Variants in MLIP observed in about 807,000 individuals in gnomAD.
MLIP encodes muscular LMNA interacting protein.
MLIP carries 79 observed loss-of-function variants against 84.8 expected under a neutral mutation model. That is an observed-to-expected ratio of 0.93 (90% CI 0.78 to 1.12). The LOEUF is 1.12. Among genes scored for constraint, MLIP ranks in the 50% most tolerant of loss-of-function variants. The probability of loss-of-function intolerance (pLI) is 0.00; values close to 1 mark genes in which losing one functional copy is unlikely to be tolerated. For missense variants in MLIP, 1,257 were observed against 1,160.6 expected (o/e 1.08, Z -1.21); for synonymous variants, 504 against 463.0 (o/e 1.09, Z -1.14).
intron 1 of MLIP, among the ~76,000 whole-genome samples, chr6:54,052,520 G>A (rs779724513): frequency 1.3e-5 from 2 of 152,134 alleles, no homozygotes; most frequent in African/African-American, 2.4e-5. Flanking sequence ...CACAGGTAGA[G>A]ATCTATTTTT....
chr6:54,022,905 T>A (rs900793937), intron 1 of MLIP, among the ~76,000 whole-genome samples: 1 of 151,994 alleles, frequency 6.6e-6, no homozygotes, highest in African/African-American at 2.4e-5. Context: ...CGGTGGCTCA[T>A]GCCTGTAATC....
At chr6:54,229,461 A>G (rs938803793) in intron 11 of MLIP, among the ~76,000 whole-genome samples, 1 of 152,210 alleles carries the variant, frequency 6.6e-6, no homozygotes, top group Admixed American at 6.5e-5. Flanking sequence ...ATGGGTCAGC[A>G]CAACACCTAG....
At chr6:54,201,201 G>A (rs1194021535) in intron 10 of MLIP, among the ~76,000 whole-genome samples, 2 of 152,154 alleles carry the variant, frequency 1.3e-5, no homozygotes, top group Non-Finnish European at 2.9e-5. Context: ...TCGACACTGG[G>A]TACAAGCTTA....
chr6:54,107,881 C>A (rs1769131228), upstream of MLIP, among the ~76,000 whole-genome samples: 1 of 152,192 alleles, frequency 6.6e-6, no homozygotes, highest in Non-Finnish European at 1.5e-5. Flanking sequence ...TAAAAACAGA[C>A]AAATGGATGT....
intron 10 of MLIP, among the ~76,000 whole-genome samples, chr6:54,200,623 T>G (rs1582481301): frequency 3.9e-5 from 1 of 25,338 alleles, no homozygotes; most frequent in Admixed American, 6.5e-4. Flanking sequence ...TTTTTTTTTT[T>G]TTTTTTTTTT....
At chr6:54,120,364 AGCTGAGACTACAGGCGCCT>A (rs1394641986) in intron 1 of MLIP, among the ~76,000 whole-genome samples, 1 of 151,740 alleles carries the variant, frequency 6.6e-6, no homozygotes, top group Non-Finnish European at 1.5e-5. Context: ...CCTCCTGAGT[AGCTGAGACTACAGGCGCCT>A]GCCACCACGC....
intron 1 of MLIP, among the ~76,000 whole-genome samples, chr6:54,021,516 A>G (rs765111710): frequency 6.6e-6 from 1 of 152,334 alleles, no homozygotes; most frequent in East Asian, 1.9e-4. Flanking sequence ...TTAAAAATTC[A>G]TCAGTTTATT....
chr6:54,030,594 G>A (rs1235746284), intron 1 of MLIP: 1 of 151,112 alleles, frequency 6.6e-6, no homozygotes, highest in Non-Finnish European at 1.5e-5. Context: ...TTTCTGTTCA[G>A]GGTATCATAC....
chr6:54,149,185 T>C (rs767697555), intron 5 of MLIP, 58 bp downstream of exon 5: 7 of 1,433,650 alleles, frequency 4.9e-6, no homozygotes, highest in Middle Eastern at 1.8e-4. Context: ...TTTAAAATGT[T>C]TTCTAAAATT....
At chr6:54,099,377 G>T (rs1768467255) in intron 1 of MLIP, among the ~76,000 whole-genome samples, 1 of 151,812 alleles carries the variant, frequency 6.6e-6, no homozygotes, top group Non-Finnish European at 1.5e-5. Context: ...CTGAAACAAT[G>T]ATTTTTTTTG....
chr6:54,052,659 A>G (rs1027844030), intron 1 of MLIP, among the ~76,000 whole-genome samples: 9 of 152,188 alleles, frequency 5.9e-5, no homozygotes, highest in Non-Finnish European at 1.3e-4. Context: ...CACATTCAAG[A>G]ATGCTCTTCT....
intron 12 of MLIP, among the ~76,000 whole-genome samples, chr6:54,253,722 A>G (rs978625950): frequency 1.6e-4 from 25 of 152,124 alleles, no homozygotes; most frequent in African/African-American, 6.0e-4. Context: ...AGTGACAAAC[A>G]CTTCACAAGG....
chr6:54,081,103 C>T (rs2150357329), intron 1 of MLIP, among the ~76,000 whole-genome samples: 1 of 152,254 alleles, frequency 6.6e-6, no homozygotes, highest in Non-Finnish European at 1.5e-5. Flanking sequence ...TCAGCTTTCT[C>T]ACCTTCTCAT....
At chr6:54,195,744 C>A (rs1033439977) in intron 10 of MLIP, among the ~76,000 whole-genome samples, 2 of 152,018 alleles carry the variant, frequency 1.3e-5, no homozygotes, top group African/African-American at 4.8e-5. Context: ...TATATTCACT[C>A]CCTTGGATTT....
chr6:54,074,875 GA>G (rs1360197397), intron 1 of MLIP, among the ~76,000 whole-genome samples: 1 of 152,138 alleles, frequency 6.6e-6, no homozygotes, highest in Non-Finnish European at 1.5e-5. Flanking sequence ...AAAAGGAAGT[GA>G]TAGGGACAGA....
At chr6:54,114,337 T>G (rs1254605664) in intron 1 of MLIP, among the ~76,000 whole-genome samples, 2 of 152,204 alleles carry the variant, frequency 1.3e-5, no homozygotes, top group Non-Finnish European at 2.9e-5. Context: ...CATTTCCACT[T>G]GGTTGTATAT....
intron 1 of MLIP, among the ~76,000 whole-genome samples, chr6:54,086,655 A>G (rs184168929): frequency 9.2e-5 from 14 of 152,278 alleles, no homozygotes; most frequent in South Asian, 2.1e-4. Context: ...CCCCTTCTTA[A>G]GAATCTTGCC....
At chr6:54,140,062 A>G (rs190193198) in intron 4 of MLIP, among the ~76,000 whole-genome samples, 5 of 152,314 alleles carry the variant, frequency 3.3e-5, no homozygotes, top group African/African-American at 1.2e-4. Context: ...TTTTAAATAC[A>G]TATATGTGAT....
rs201147428 is a variant in MLIP, at chr6:54,124,842, G to T, written c.622G>T (p.Ala208Ser). 1.1e-5 allele frequency: 18 copies of T among 1,596,390 alleles called. No individual in the cohort carries two copies. Among genetic ancestry groups the T allele is most frequent in the Non-Finnish European group, 2.6e-6 (3 of 1,171,114 alleles). Residue 208 changes from alanine to serine, a missense_variant, in exon 3 of 14, where the codon GCC becomes TCC. Transcript: ENST00000502396. Reference sequence around the variant, plus strand: ...ACATCCTGAAATGCTTCATGGGATGGCCCCTCAGCAAAAGCATGGGCAGGT... The same window carrying T: ...ACATCCTGAAATGCTTCATGGGATGTCCCCTCAGCAAAAGCATGGGCAGGT... ...SSHPEMLHGMAPQQKHGQLTS... is the reference protein window; with the variant it reads ...SSHPEMLHGMSPQQKHGQLTS...
Sources: allele counts gnomAD v4.1 joint callset (sites outside exome capture counted in the v4.1 genomes callset), GRCh38; gene constraint gnomAD v4.1.1; transcripts MANE v1.5; gene names NCBI Gene and HGNC (gene_info 2026-07-23, HGNC 2026-07-21).